FAM169A: variants seen among roughly 807,000 people sequenced by gnomAD.
FAM169A encodes soluble lamin-associated protein of 75 kDa.
FAM169A carries 24 observed loss-of-function variants against 75.7 expected under a neutral mutation model. That is an observed-to-expected ratio of 0.32 (90% CI 0.23 to 0.45). The LOEUF is 0.45. Ranked by LOEUF, FAM169A falls within the 20% of genes least tolerant of loss-of-function variation. FAM169A has a pLI of 1.00. For missense variants in FAM169A, 673 were observed against 784.0 expected, an observed-to-expected ratio of 0.86 and a Z score of 1.69; for synonymous variants, 271 against 271.0, an observed-to-expected ratio of 1.00 and a Z score of 0.00.
chr5:74,859,915 A>G (rs1466980561), intron 1 of FAM169A, among the ~76,000 whole-genome samples: 2 of 152,130 alleles, frequency 1.3e-5, no homozygotes, highest in African/African-American at 2.4e-5. Flanking sequence ...GTGTAGAGAG[A>G]TAATAAAAGG....
At chr5:74,842,417 T>C (rs1223021905) in intron 1 of FAM169A, among the ~76,000 whole-genome samples, 1 of 24,862 alleles carries the variant, frequency 4.0e-5, no homozygotes, top group African/African-American at 1.4e-4. Context: ...TGAGACTCTA[T>C]CACAAAAAAA....
rs1003063624 is a variant in FAM169A, at chr5:74,818,957, C to T, written c.491-4938G>A. Reference sequence around the variant, plus strand: ...AACGATGGCTAGGCGCGGAGGCTCACGCCTGTAACCTCAACACTTTGGGAG... The same window carrying T: ...AACGATGGCTAGGCGCGGAGGCTCATGCCTGTAACCTCAACACTTTGGGAG... On this transcript the variant is annotated intron_variant, in intron 5 of 12. Transcript: ENST00000687041. Among the ~76,000 whole-genome samples, 6 of 152,262 alleles carry T rather than the reference C, an allele frequency of 3.9e-5. No homozygotes were observed. The South Asian group carries it at 8.3e-4, about 21-fold the overall frequency.
intron 5 of FAM169A, among the ~76,000 whole-genome samples, chr5:74,819,939 T>C (rs1422425417): frequency 6.6e-6 from 1 of 151,564 alleles, no homozygotes; most frequent in Non-Finnish European, 1.5e-5. Flanking sequence ...TAAAATTAGC[T>C]GTGGTAATGG....
At chr5:74,851,207 G>C (rs769292803) in intron 1 of FAM169A, among the ~76,000 whole-genome samples, 2 of 152,140 alleles carry the variant, frequency 1.3e-5, no homozygotes, top group Non-Finnish European at 2.9e-5. Context: ...AAACACAAGA[G>C]AAGAAAGTCA....
intron 5 of FAM169A, among the ~76,000 whole-genome samples, chr5:74,823,903 C>T (rs1163243378): frequency 6.6e-6 from 1 of 152,106 alleles, no homozygotes; most frequent in Non-Finnish European, 1.5e-5. Flanking sequence ...TTTTACATCA[C>T]AATGTTTGTT....
At chr5:74,800,076 T>G in intron 10 of FAM169A, 1 of 674,914 alleles carries the variant, frequency 1.5e-6, no homozygotes, top group Non-Finnish European at 2.8e-6. Flanking sequence ...AAGGATAATT[T>G]GAAGCTGAGT....
chr5:74,802,690 T>A (rs111485851), intron 8 of FAM169A, among the ~76,000 whole-genome samples: 1 of 152,180 alleles, frequency 6.6e-6, no homozygotes, highest in Non-Finnish European at 1.5e-5. Context: ...TATCTTTATA[T>A]GTCCAATGCT....
chr5:74,798,179 C>T (rs1746375671), intron 10 of FAM169A, among the ~76,000 whole-genome samples: 1 of 152,254 alleles, frequency 6.6e-6, no homozygotes, highest in Admixed American at 6.5e-5. Flanking sequence ...CATTACTGTT[C>T]TATCACAATC....
At chr5:74,866,120 C>A in intron 1 of FAM169A, 45 bp downstream of exon 1, 1 of 930,588 alleles carries the variant, frequency 1.1e-6, no homozygotes. Flanking sequence ...GCGGCCGTCT[C>A]GGCCTCACCC....
intron 1 of FAM169A, among the ~76,000 whole-genome samples, chr5:74,843,136 C>CA (rs1748970909): frequency 6.6e-6 from 1 of 151,884 alleles, no homozygotes; most frequent in South Asian, 2.1e-4. Flanking sequence ...TTTACAACAG[C>CA]AAAAATCAAA....
rs1355131421 is a variant in FAM169A at position 74,840,108 on chromosome 5, A to G, written c.198T>C (p.Ile66=). ...PLYGGDQTQK[I]LALFAPEDSL... is the part of the protein sequence containing the mutation. ...AATCTTCAGGTGCAAAGAGAGCAAG[A>G]ATTTTCTGGGTCTGATCTCCACCAT... is the stretch of plus-strand genomic sequence containing the variant. The change falls in exon 3 of 13, where the codon ATT becomes ATC. Residue 66 remains isoleucine (I), a synonymous_variant. Transcript: ENST00000687041. 1 of 1,599,824 alleles carries G rather than the reference A, an allele frequency of 6.3e-7. No homozygotes were observed. The highest frequency in any genetic ancestry group is 8.5e-7 in the Non-Finnish European group (1 of 1,173,372).
At chr5:74,793,922 G>C (rs1189776471) in intron 11 of FAM169A, among the ~76,000 whole-genome samples, 1 of 146,978 alleles carries the variant, frequency 6.8e-6, no homozygotes, top group Non-Finnish European at 1.5e-5. Flanking sequence ...AGAATGGCAT[G>C]AACCCAGGAG....
At chr5:74,796,843 T>C (rs1746304006) in intron 10 of FAM169A, among the ~76,000 whole-genome samples, 1 of 152,198 alleles carries the variant, frequency 6.6e-6, no homozygotes, top group Non-Finnish European at 1.5e-5. Context: ...ACTGGCATAA[T>C]TATTAATAAT....
chr5:74,862,898 G>C (rs946563621), intron 1 of FAM169A, among the ~76,000 whole-genome samples: 3 of 152,052 alleles, frequency 2.0e-5, no homozygotes, highest in African/African-American at 4.8e-5. Flanking sequence ...CGTGACAGTA[G>C]GGCCTGTTTG....
At chr5:74,804,401 A>G in intron 8 of FAM169A, 92 bp downstream of exon 8, 1 of 507,696 alleles carries the variant, frequency 2.0e-6, no homozygotes, top group Middle Eastern at 5.0e-4. Flanking sequence ...TGAATGAACT[A>G]TGACATTTAA....
At chr5:74,801,182 A>G in intron 9 of FAM169A, 152 bp from the exon 10 acceptor site, 1 of 526,314 alleles carries the variant, frequency 1.9e-6, no homozygotes, top group Non-Finnish European at 3.1e-6. Flanking sequence ...CAGGCTAAGA[A>G]AATTATTTTA....
Position 74,781,512 on chromosome 5 carries a change from C to G in FAM169A, c.1961G>C (p.Arg654Thr). 1 of 1,614,188 alleles carries G rather than the reference C, an allele frequency of 6.2e-7. No homozygotes were observed. The highest frequency in any genetic ancestry group is 1.3e-5 in the African/African-American group (1 of 75,058). ...VPVVDRRNLR[R>T]KAKGHKGPAK... is the part of the protein sequence containing the mutation. The stretch of plus-strand genomic sequence containing the variant: ...AGGTCCTTTATGCCCTTTGGCCTTT[C>G]TTCTTAAATTCCGCCTGTCTACCAC... The change falls in exon 13 of 13, where the codon AGA becomes ACA. Residue 654 changes from arginine to threonine, a missense_variant. Arg to Thr is a moderately conservative substitution (Grantham distance 71). Around this residue, in one of 3 missense-constraint regions of FAM169A, gnomAD observed 510 missense variants for 550.9 expected, o/e 0.93. Transcript: ENST00000687041.
intron 1 of FAM169A, among the ~76,000 whole-genome samples, chr5:74,850,687 T>C (rs546480148): frequency 6.6e-6 from 1 of 152,082 alleles, no homozygotes; most frequent in Non-Finnish European, 1.5e-5. Flanking sequence ...AACTAATAAC[T>C]AGAAATCAAT....
intron 1 of FAM169A, among the ~76,000 whole-genome samples, chr5:74,857,073 C>T (rs1749747663): frequency 7.1e-6 from 1 of 141,594 alleles, no homozygotes; most frequent in African/African-American, 2.7e-5. Flanking sequence ...AGCACCACTG[C>T]ACTCCAGCCT....
Sources: allele counts gnomAD v4.1 joint callset (sites outside exome capture counted in the v4.1 genomes callset), GRCh38; gene constraint gnomAD v4.1.1; regional missense constraint gnomAD v4.1.1; transcripts MANE v1.5; gene names NCBI Gene and HGNC (gene_info 2026-07-23, HGNC 2026-07-21).